NUDC: variants seen among roughly 807,000 people sequenced by gnomAD.
The protein encoded by NUDC is nuclear distribution C, dynein complex regulator.
In NUDC, 14 loss-of-function variants were observed where a neutral mutation model predicts 45.0. The observed-to-expected ratio is 0.31, with a 90% CI of 0.21 to 0.49. The LOEUF (loss-of-function observed/expected upper bound fraction) is 0.49, where lower values mean the gene tolerates loss of function less well. Ranked by LOEUF, NUDC falls within the 20% of genes least tolerant of loss-of-function variation. The pLI is 0.99. For missense variants in NUDC, 323 were observed against 426.2 expected, an observed-to-expected ratio of 0.76 and a Z score of 2.13; for synonymous variants, 153 against 156.7, an observed-to-expected ratio of 0.98 and a Z score of 0.17.
upstream of NUDC, among the ~76,000 whole-genome samples, chr1:26,919,711 T>G (rs551388807): frequency 6.6e-6 from 1 of 152,280 alleles, no homozygotes; most frequent in South Asian, 2.1e-4. Context: ...CCAAACTGAG[T>G]GTATTTCCAA....
At chr1:26,921,958 C>G (rs1342969909) in intron 1 of NUDC, 29 bp downstream of exon 1, 4 of 1,546,760 alleles carry the variant, frequency 2.6e-6, no homozygotes, top group East Asian at 2.4e-5. Context: ...TCGGCCCACC[C>G]GGCGGCCTTG....
At chr1:26,906,666 G>A (rs2082004329) in intron 2 of NUDC, among the ~76,000 whole-genome samples, 2 of 151,542 alleles carry the variant, frequency 1.3e-5, no homozygotes, top group African/African-American at 4.9e-5. Context: ...TGGCTAACAT[G>A]GTGAAACCCT....
At chr1:26,938,374 C>T (rs1226395245) in intron 2 of NUDC, among the ~76,000 whole-genome samples, 3 of 152,190 alleles carry the variant, frequency 2.0e-5, no homozygotes, top group Non-Finnish European at 4.4e-5. Flanking sequence ...GAGGGCCCTG[C>T]TCCCACCTCC....
At chr1:26,934,487 A>G (rs529411852) in intron 2 of NUDC, among the ~76,000 whole-genome samples, 1 of 152,248 alleles carries the variant, frequency 6.6e-6, no homozygotes, top group East Asian at 1.9e-4. Context: ...GCCAAATCTC[A>G]TGTCTTCACA....
chr1:26,945,014 C>G (rs2082307273), intron 6 of NUDC: 1 of 282,596 alleles, frequency 3.5e-6, no homozygotes, highest in South Asian at 3.7e-5. Context: ...AGCACTCCAG[C>G]CTGGACAAGA....
intron 2 of NUDC, among the ~76,000 whole-genome samples, chr1:26,931,441 G>GGC (rs1205052690): frequency 7.0e-6 from 1 of 141,852 alleles, no homozygotes; most frequent in Non-Finnish European, 1.5e-5. Context: ...GGAGTGCAGT[G>GGC]GCACCATTTC....
chr1:26,922,036 G>T, intron 1 of NUDC, 107 bp downstream of exon 1: 1 of 1,162,446 alleles, frequency 8.6e-7, no homozygotes, highest in South Asian at 1.3e-5. Context: ...GCGGGCTTCT[G>T]GGATGCCCCT....
At chr1:26,900,485 A>G (rs2081972794) in intron 1 of NUDC, 3 of 1,516,632 alleles carry the variant, frequency 2.0e-6, no homozygotes, top group African/African-American at 1.4e-5. Context: ...TCTCGCGAGA[A>G]CACCGCGAGC....
chr1:26,913,875 G>A lies in NUDC; in HGVS notation c.93+2640G>A, dbSNP rs779787925. The A allele has an allele frequency of 4.1e-5, 62 of 1,496,022 alleles. No homozygotes were observed. Among genetic ancestry groups the A allele is most frequent in the African/African-American group, 7.0e-5 (5 of 71,390 alleles). 92.7% of individuals were successfully genotyped at this position (1,496,022 alleles called of 1,614,324 possible). A position where few individuals can be genotyped will look rare whatever the true frequency, so the allele number is the denominator to read the frequency against. ...CCTTGAGGCTGGAGCTCAGAAGTGC[G>A]TAGAGAATGGCGGGGCGGCTTGCAG... On this transcript the variant is annotated intron_variant, in intron 3 of 6. Transcript: ENST00000435827.
At chr1:26,938,608 A>G (rs1039951749) in intron 2 of NUDC, among the ~76,000 whole-genome samples, 2 of 150,876 alleles carry the variant, frequency 1.3e-5, no homozygotes, top group Non-Finnish European at 2.9e-5. Flanking sequence ...GGCATGGGAC[A>G]GGGGGTTTGG....
chr1:26,913,645 CCAAGCAGGAAGAGGGGGCCCCAG>C, intron 3 of NUDC: 1 of 1,613,788 alleles, frequency 6.2e-7, no homozygotes, highest in Non-Finnish European at 8.5e-7. Flanking sequence ...TTGGGCCAAC[CCAAGCAGGAAGAGGGGGCCCCAG>C]CAACCCTGCA....
At chr1:26,918,871 C>G (rs1011466316), upstream of NUDC, among the ~76,000 whole-genome samples, 1 of 151,938 alleles carries the variant, frequency 6.6e-6, no homozygotes, top group Non-Finnish European at 1.5e-5. Flanking sequence ...CCACTGCACC[C>G]AGCCTAAGTG....
chr1:26,924,060 A>G (rs775991368), intron 1 of NUDC, 29 bp from the exon 2 acceptor site: 5 of 1,608,240 alleles, frequency 3.1e-6, no homozygotes, highest in Admixed American at 3.3e-5. Flanking sequence ...ATGCAGCTCT[A>G]CTACTTTAAT....
Position 26,946,618 on chromosome 1 carries a change from G to A in NUDC, c.*437G>A, listed in dbSNP as rs534636310. ...TGTAATCCCAGCACTTTGGGAGGCTGAGGGGAGCAGATCACCTGATGTCAG... is the reference window on the plus strand; with the variant it reads ...TGTAATCCCAGCACTTTGGGAGGCTAAGGGGAGCAGATCACCTGATGTCAG... On this transcript the variant is annotated 3_prime_UTR_variant, in exon 9 of 9. Transcript: ENST00000321265. 51 of 254,196 alleles carry A rather than the reference G, an allele frequency of 2.0e-4. No homozygotes were observed. The highest frequency in any genetic ancestry group is 1.1e-3 in the African/African-American group (48 of 44,618). The allele number at this position is 254,196 out of a possible 1,614,324, so 15.7% of individuals were successfully genotyped here. A position where few individuals can be genotyped will look rare whatever the true frequency, so the allele number is the denominator to read the frequency against.
chr1:26,938,156 C>T (rs375045548), intron 2 of NUDC, among the ~76,000 whole-genome samples: 2 of 152,104 alleles, frequency 1.3e-5, no homozygotes, highest in African/African-American at 2.4e-5. Flanking sequence ...AAGCTTGAGT[C>T]GGTGACAGCC....
At chr1:26,929,090 A>G (rs569275118) in intron 2 of NUDC, among the ~76,000 whole-genome samples, 35 of 152,342 alleles carry the variant, frequency 2.3e-4, no homozygotes, top group African/African-American at 7.9e-4. Flanking sequence ...TAAAAGGGAA[A>G]GAAATCCTGT....
chr1:26,902,651 G>C (rs1289972471), intron 2 of NUDC, among the ~76,000 whole-genome samples: 1 of 152,026 alleles, frequency 6.6e-6, no homozygotes, highest in Non-Finnish European at 1.5e-5. Flanking sequence ...TCGGGAGGTT[G>C]AGGTCGGAGG....
At chr1:26,943,109 T>C (rs2082292567) in intron 6 of NUDC, 44 bp downstream of exon 6, 1 of 1,599,840 alleles carries the variant, frequency 6.3e-7, no homozygotes, top group Non-Finnish European at 8.6e-7. Context: ...TTGATGGAAG[T>C]AGAAGGGAGG....
intron 2 of NUDC, among the ~76,000 whole-genome samples, chr1:26,903,411 G>C (rs1050468173): frequency 6.6e-6 from 1 of 152,062 alleles, no homozygotes; most frequent in African/African-American, 2.4e-5. Flanking sequence ...TGAAACAATA[G>C]AGTTCATTCT....
Sources: allele counts gnomAD v4.1 joint callset (sites outside exome capture counted in the v4.1 genomes callset), GRCh38; gene constraint gnomAD v4.1.1; transcripts MANE v1.5; gene names NCBI Gene and HGNC (gene_info 2026-07-23, HGNC 2026-07-21).